STAT2: variants seen among roughly 807,000 people sequenced by gnomAD.
STAT2 encodes interferon alpha induced transcriptional activator.
A neutral mutation model predicts 122.3 loss-of-function variants in STAT2; 51 were observed. The observed-to-expected ratio is 0.42, with a 90% CI of 0.33 to 0.53. The LOEUF (loss-of-function observed/expected upper bound fraction) is 0.53, where lower values mean the gene tolerates loss of function less well. STAT2 is among the 20% of genes least tolerant of loss of function. The pLI is 0.10. For synonymous variants in STAT2, 351 were observed against 394.9 expected (o/e 0.89, Z 1.32); for missense variants, 736 against 1,010.3 (o/e 0.73, Z 3.68).
intron 4 of STAT2, 37 bp from the exon 5 acceptor site, chr12:56,355,569 C>A (rs774099396): frequency 6.8e-6 from 11 of 1,611,820 alleles, no homozygotes; most frequent in South Asian, 2.2e-5. Context: ...TTAACTCTGG[C>A]CTTTCATGCC....
chr12:56,351,553 T>TG, intron 8 of STAT2, 103 bp from the exon 9 acceptor site: 6 of 1,240,456 alleles, frequency 4.8e-6, no homozygotes, highest in Middle Eastern at 2.8e-4. Flanking sequence ...AGAAACTGAC[T>TG]GGGGGGAAGA....
At chr12:56,344,233 G>A in intron 22 of STAT2, 98 bp from the exon 23 acceptor site, 2 of 1,448,390 alleles carry the variant, frequency 1.4e-6, no homozygotes, top group Admixed American at 2.4e-5. Flanking sequence ...AGGCAGTAGG[G>A]CGGAGGGCTA....
chr12:56,352,846 G>T lies in STAT2; in HGVS notation c.783-1396C>A, dbSNP rs570051033. Among the ~76,000 whole-genome samples, 54 of 152,046 alleles carry T rather than the reference G, an allele frequency of 3.6e-4. No individual in the cohort carries two copies. In the Middle Eastern group the frequency reaches 0.01, roughly 29 times the overall value. ...GTACATATATACTTTTAGAGACAGG[G>T]TCTCGTTCTGTTGTCCAGGCTGGAC... On this transcript the variant is annotated intron_variant, in intron 8 of 23. Transcript: ENST00000314128.
intron 8 of STAT2, among the ~76,000 whole-genome samples, chr12:56,353,429 G>C (rs1878868141): frequency 6.6e-6 from 1 of 152,020 alleles, no homozygotes; most frequent in South Asian, 2.1e-4. Context: ...CGCCATGCCT[G>C]GCCTGGTATA....
In STAT2 at chr12:56,344,065, G is replaced by T. The variant is rs543232865; in HGVS notation, c.2173C>A (p.Leu725Ile). The T allele has an allele frequency of 5.0e-6, 8 of 1,606,748 alleles. No homozygotes were observed. The East Asian group carries it at 1.8e-4, about 36-fold the overall frequency. The change falls in exon 23 of 24, where the codon CTA becomes ATA. Residue 725 changes from leucine to isoleucine, a missense_variant. Transcript: ENST00000314128. ...EPELESLELELGLVPEPELSL... is the reference protein window; with the variant it reads ...EPELESLELEIGLVPEPELSL... ...AGCTCTGGCTCTGGCACCAGCCCTA[G>T]TTCCAGCTCTAATGACTCCAGCTCT...
At chr12:56,357,790 C>A (rs932470591) in intron 1 of STAT2, among the ~76,000 whole-genome samples, 4 of 150,172 alleles carry the variant, frequency 2.7e-5, no homozygotes, top group Admixed American at 6.7e-5. Flanking sequence ...TGGCTCACTG[C>A]AGCTTTGACC....
chr12:56,345,336 A>G, intron 22 of STAT2, among the ~76,000 whole-genome samples: 1 of 147,716 alleles, frequency 6.8e-6, no homozygotes, highest in Non-Finnish European at 1.5e-5. Flanking sequence ...CAAAAAATTT[A>G]AAAAATTAGC....
At chr12:56,346,713 T>G in intron 20 of STAT2, 89 bp from the exon 21 acceptor site, 1 of 1,601,594 alleles carries the variant, frequency 6.2e-7, no homozygotes, top group Non-Finnish European at 8.5e-7. Context: ...CCAAACCAGC[T>G]GAGGGATTCA....
At chr12:56,345,200 T>G (rs1877197092) in intron 22 of STAT2, among the ~76,000 whole-genome samples, 1 of 126,632 alleles carries the variant, frequency 7.9e-6, no homozygotes, top group Non-Finnish European at 1.7e-5. Flanking sequence ...AAAAAAAAAT[T>G]CTATCCCCAG....
intron 8 of STAT2, among the ~76,000 whole-genome samples, chr12:56,354,222 T>G (rs1186035023): frequency 2.7e-5 from 4 of 148,094 alleles, no homozygotes; most frequent in African/African-American, 4.9e-5. Flanking sequence ...TATTTCTGGG[T>G]GATTAAAAAA....
At position 56,349,184 on chromosome 12, in the gene STAT2, A is replaced by G. The variant is rs777264455; in HGVS notation, c.1419T>C (p.Asn473=). ...SIAWASVLWF[N]LLSPNLQNQQ... is the part of the protein sequence containing the mutation. The stretch of plus-strand genomic sequence containing the variant: ...CTACCTGAAGGTTTGGGCTGAGCAA[A>G]TTGAACCAGAGAACTGAAGCCCAGG... Residue 473 remains asparagine, a synonymous_variant, in exon 16 of 24, where the codon AAT becomes AAC. Transcript: ENST00000314128. The G allele has an allele frequency of 6.2e-7, 1 of 1,614,126 alleles. No individual in the cohort carries two copies. The highest frequency in any genetic ancestry group is 1.1e-5 in the South Asian group (1 of 91,076).
At chr12:56,345,008 A>T (rs529726721) in intron 22 of STAT2, among the ~76,000 whole-genome samples, 2 of 97,642 alleles carry the variant, frequency 2.0e-5, no homozygotes, top group African/African-American at 2.5e-4. Context: ...ACTCTGTCTC[A>T]AAAAAAAAAC....
rs759254318 is a variant in STAT2 at position 56,343,438 on chromosome 12, C to T, written c.2507G>A (p.Arg836His). The T allele has an allele frequency of 6.2e-6, 10 of 1,613,862 alleles. No individual in the cohort carries two copies. Among genetic ancestry groups the T allele is most frequent in the African/African-American group, 2.7e-5 (2 of 75,012 alleles). ...QNTVDEVYVS[R>H]PSHFYTDGPL... ...TCCATCAGTGTAGAAGTGGCTGGGG[C>T]GGGAGACGTAAACCTCATCCACGGT... The change falls in exon 24 of 24, where the codon CGC (arginine) becomes CAC (histidine). Residue 836 changes from arginine to histidine, a missense_variant. Coordinates refer to ENST00000314128, the MANE Select transcript of STAT2 (RefSeq NM_005419.4).
At chr12:56,357,547 G>A (rs961590371) in intron 1 of STAT2, among the ~76,000 whole-genome samples, 39 of 151,390 alleles carry the variant, frequency 2.6e-4, no homozygotes, top group African/African-American at 9.0e-4. Flanking sequence ...GGGTTTCACC[G>A]TGTTAGCCAG....
chr12:56,345,008 A>C (rs529726721), intron 22 of STAT2, among the ~76,000 whole-genome samples: 2 of 97,616 alleles, frequency 2.0e-5, no homozygotes, highest in African/African-American at 2.5e-4. Flanking sequence ...ACTCTGTCTC[A>C]AAAAAAAAAC....
At chr12:56,349,131 C>A in intron 16 of STAT2, 32 bp downstream of exon 16, 1 of 1,614,090 alleles carries the variant, frequency 6.2e-7, no homozygotes, top group Non-Finnish European at 8.5e-7. Flanking sequence ...CCCCTCCTCT[C>A]GCGCCTTGAC....
At position 56,349,441 on chromosome 12, in the gene STAT2, C is replaced by T. The variant is rs529406351; in HGVS notation, c.1326G>A (p.Leu442=). 578 of 1,614,220 alleles carry T rather than the reference C, an allele frequency of 3.6e-4. 11 individuals are homozygous for T. The South Asian group carries it at 5.8e-3, about 16-fold the overall frequency. The change falls in exon 15 of 24, where the codon CTG becomes CTA. Residue 442 remains leucine, a synonymous_variant. Coordinates refer to ENST00000314128, the MANE Select transcript of STAT2 (RefSeq NM_005419.4). ...SFTVKYTYQG[L]KQELKTDTLP... ...TTTCACTCACTTTCAGCTCCTGCTT[C>T]AGACCCTGGTAGGTATATTTGACCG...
Position 56,349,512 on chromosome 12 carries a change from G to A in STAT2, c.1258-3C>T, listed in dbSNP as rs2136055847. On this transcript the variant is annotated splice_region_variant and splice_polypyrimidine_tract_variant and intron_variant, in intron 14 of 23. Coordinates refer to ENST00000314128, the MANE Select transcript of STAT2 (RefSeq NM_005419.4). ...TCCTCTGTCACACCTAGTGGCCCCT[G>A]GGACAGCCAAAGACATAGTCATCAG... The A allele has an allele frequency of 6.2e-7, 1 of 1,614,174 alleles. No homozygotes were observed.
chr12:56,344,754 C>T (rs1187768301), intron 22 of STAT2, among the ~76,000 whole-genome samples: 1 of 152,068 alleles, frequency 6.6e-6, no homozygotes, highest in Non-Finnish European at 1.5e-5. Context: ...CGCCTGTAAT[C>T]CCAGCACTTT....
Sources: gnomAD v4.1 joint callset for allele counts (sites outside exome capture counted in the v4.1 genomes callset) on GRCh38, gnomAD v4.1.1 for gene constraint, MANE v1.5 for transcripts, NCBI Gene and HGNC (gene_info 2026-07-23, HGNC 2026-07-21) for gene names.